The following HNRNPA1L2 variants were observed in gnomAD, a reference collection of about 807,000 sequenced individuals.
HNRNPA1L2 encodes heterogeneous nuclear ribonucleoprotein A1-like 2.
In HNRNPA1L2, 10 loss-of-function variants were observed where a neutral mutation model predicts 18.2. The ratio of observed to expected loss-of-function variants is 0.55; its 90% CI spans 0.34 to 0.93. HNRNPA1L2 has a LOEUF of 0.93. HNRNPA1L2 is among the 40% of genes least tolerant of loss of function. HNRNPA1L2 has a pLI of 0.02. For synonymous variants in HNRNPA1L2, 124 were observed against 138.6 expected, an observed-to-expected ratio of 0.89 and a Z score of 0.74; for missense variants, 308 against 394.4, an observed-to-expected ratio of 0.78 and a Z score of 1.85.
chr13:52,628,135 ATGTAT>A, the HNRNPA1L2 span, among the ~76,000 whole-genome samples: 1 of 152,162 alleles, frequency 6.6e-6, no homozygotes, highest in Non-Finnish European at 1.5e-5. Flanking sequence ...TGTGTACCAG[ATGTAT>A]TTCGGGAAGT....
rs1961717188 is a variant in HNRNPA1L2 at position 52,643,106 on chromosome 13, G to A, written c.614G>A (p.Gly205Asp). The A allele has an allele frequency of 6.3e-7, 1 of 1,597,870 alleles. No homozygotes were observed. Among genetic ancestry groups the A allele is most frequent in the African/African-American group, 1.3e-5 (1 of 74,992 alleles). The stretch of plus-strand genomic sequence containing the variant: ...AGGGGTTCTGGAAACTTTGGTGGTG[G>A]TCGTGGAGATGGTTTCGGTGGGAAT... Reference protein sequence around the residue: ...GRRGSGNFGGGRGDGFGGNDN... With the variant: ...GRRGSGNFGGDRGDGFGGNDN... Residue 205 changes from glycine to aspartate, a missense_variant, in exon 1 of 1, where the codon GGT becomes GAT. Transcript: ENST00000357495.
rs1961737746 is a variant in HNRNPA1L2, at chr13:52,643,501, G to A, written c.*46G>A. 2 of 1,504,834 alleles carry A rather than the reference G, an allele frequency of 1.3e-6. No individual in the cohort carries two copies. Among genetic ancestry groups the A allele is most frequent in the Admixed American group, 3.4e-5 (2 of 58,616 alleles). The allele number at this position is 1,504,834 out of a possible 1,614,324, so 93.2% of individuals were successfully genotyped here. ...GGAGAGGAGAGCCAGAGAAGTGACAGGGAAGCTACAGGTTACAACAGATTT... is the reference window on the plus strand; with the variant it reads ...GGAGAGGAGAGCCAGAGAAGTGACAAGGAAGCTACAGGTTACAACAGATTT... On this transcript the variant is annotated 3_prime_UTR_variant, in exon 1 of 1. Transcript: ENST00000357495.
chr13:52,636,576 G>T, the HNRNPA1L2 span, among the ~76,000 whole-genome samples: 2 of 152,134 alleles, frequency 1.3e-5, no homozygotes, highest in Admixed American at 6.5e-5. Context: ...TTCATTAGCA[G>T]TTTTATTGTT....
At chr13:52,619,221 G>C in the HNRNPA1L2 span, among the ~76,000 whole-genome samples, 3 of 151,884 alleles carry the variant, frequency 2.0e-5, no homozygotes, top group Non-Finnish European at 4.4e-5. Flanking sequence ...TCCAACTCCC[G>C]ACCTCAGGTG....
At chr13:52,636,605 CT>C in the HNRNPA1L2 span, among the ~76,000 whole-genome samples, 1 of 152,094 alleles carries the variant, frequency 6.6e-6, no homozygotes, top group Non-Finnish European at 1.5e-5. Flanking sequence ...GATCTAACTT[CT>C]TTGGTTGTTA....
At chr13:52,635,600 AC>A in the HNRNPA1L2 span, among the ~76,000 whole-genome samples, 2 of 148,646 alleles carry the variant, frequency 1.3e-5, no homozygotes, top group South Asian at 4.2e-4. Context: ...ACACACACAC[AC>A]ACACACACAC....
the HNRNPA1L2 span, among the ~76,000 whole-genome samples, chr13:52,627,835 A>G: frequency 6.6e-6 from 1 of 152,210 alleles, no homozygotes; most frequent in African/African-American, 2.4e-5. Context: ...ACAAGGAATG[A>G]TAAATTCAGT....
chr13:52,618,946 G>C, the HNRNPA1L2 span, among the ~76,000 whole-genome samples: 3 of 152,140 alleles, frequency 2.0e-5, no homozygotes, highest in Admixed American at 2.0e-4. Flanking sequence ...TTGTAGTAAA[G>C]ATTATATGTG....
At chr13:52,624,048 C>T in the HNRNPA1L2 span, among the ~76,000 whole-genome samples, 2 of 152,212 alleles carry the variant, frequency 1.3e-5, no homozygotes, top group African/African-American at 4.8e-5. Flanking sequence ...TTTCTCACCG[C>T]ATGGTGGCTG....
At chr13:52,641,654 A>G (rs1159234260), upstream of HNRNPA1L2, 1 of 152,204 alleles carries the variant, frequency 6.6e-6, no homozygotes, top group Non-Finnish European at 1.5e-5. Context: ...TGTTCTCCCC[A>G]GTGCAATAGG....
chr13:52,623,260 T>G, the HNRNPA1L2 span, among the ~76,000 whole-genome samples: 17 of 152,340 alleles, frequency 1.1e-4, no homozygotes, highest in South Asian at 3.3e-3. Context: ...TATTTTAATT[T>G]AATTAACTAT....
At chr13:52,624,529 C>T in the HNRNPA1L2 span, among the ~76,000 whole-genome samples, 4 of 152,254 alleles carry the variant, frequency 2.6e-5, no homozygotes, top group African/African-American at 7.2e-5. Flanking sequence ...TCTGAGACAC[C>T]GTCTTAACAA....
chr13:52,622,166 A>G, the HNRNPA1L2 span: 2 of 163,106 alleles, frequency 1.2e-5, no homozygotes, highest in East Asian at 1.8e-4. Flanking sequence ...TGAATTGAGC[A>G]CAGTAAATGT....
At chr13:52,626,018 G>A in the HNRNPA1L2 span, among the ~76,000 whole-genome samples, 1 of 151,814 alleles carries the variant, frequency 6.6e-6, no homozygotes. Flanking sequence ...GAGCTCAAGC[G>A]ATCCTCCCTC....
rs1420273066 is a variant in HNRNPA1L2, at chr13:52,643,075, G to C, written c.583G>C (p.Gly195Arg). ...EMASASSSQR[G>R]RRGSGNFGGG... ...GGCTAGTGCTTCATCCAGCCAAAGAGGTCGAAGGGGTTCTGGAAACTTTGG... is the reference window on the plus strand; with the variant it reads ...GGCTAGTGCTTCATCCAGCCAAAGACGTCGAAGGGGTTCTGGAAACTTTGG... Residue 195 changes from glycine (G) to arginine (R), a missense_variant, in exon 1 of 1, where the codon GGT becomes CGT. Transcript: ENST00000357495. 2 of 1,597,544 alleles carry C rather than the reference G, an allele frequency of 1.3e-6. No homozygotes were observed. Among genetic ancestry groups the C allele is most frequent in the Non-Finnish European group, 1.7e-6 (2 of 1,179,804 alleles).
the HNRNPA1L2 span, among the ~76,000 whole-genome samples, chr13:52,618,655 C>T: frequency 1.3e-5 from 2 of 152,044 alleles, 1 homozygote; most frequent in South Asian, 4.2e-4. Flanking sequence ...AAGATTTTTA[C>T]GTATGTTATA....
upstream of HNRNPA1L2, among the ~76,000 whole-genome samples, chr13:52,639,598 G>C (rs1228535088): frequency 6.7e-6 from 1 of 149,752 alleles, no homozygotes; most frequent in Non-Finnish European, 1.5e-5. Context: ...GTGTGTCTTT[G>C]CTTGCCAGCT....
At chr13:52,628,886 T>C in the HNRNPA1L2 span, among the ~76,000 whole-genome samples, 3 of 152,196 alleles carry the variant, frequency 2.0e-5, no homozygotes, top group South Asian at 2.1e-4. Flanking sequence ...ATTTTTTTAT[T>C]TTTTTGGAGA....
At chr13:52,625,943 A>AT in the HNRNPA1L2 span, among the ~76,000 whole-genome samples, 33 of 146,742 alleles carry the variant, frequency 2.2e-4, no homozygotes, top group African/African-American at 3.7e-4. Context: ...CTCCTGGCTA[A>AT]TTTTTTTTTT....
Sources: gnomAD v4.1 joint callset for allele counts (sites outside exome capture counted in the v4.1 genomes callset) on GRCh38, gnomAD v4.1.1 for gene constraint, MANE v1.5 for transcripts, NCBI Gene and HGNC (gene_info 2026-07-23, HGNC 2026-07-21) for gene names.